Variants in PRKCE observed in about 807,000 individuals in gnomAD.
PRKCE encodes protein kinase C epsilon type.
PRKCE carries 16 observed loss-of-function variants against 85.4 expected under a neutral mutation model. That is an observed-to-expected ratio of 0.19 (90% CI 0.13 to 0.28). The LOEUF (loss-of-function observed/expected upper bound fraction) is 0.28, where lower values mean the gene tolerates loss of function less well. PRKCE is among the 10% of genes least tolerant of loss of function. The pLI, the probability that PRKCE is intolerant of heterozygous loss-of-function variation, is 1.00. For missense variants in PRKCE, 573 were observed against 975.2 expected (o/e 0.59, Z 5.49); for synonymous variants, 388 against 371.5 (o/e 1.04, Z -0.51).
intron 2 of PRKCE, among the ~76,000 whole-genome samples, chr2:45,868,548 T>G (rs1473360262): frequency 6.8e-6 from 1 of 147,758 alleles, no homozygotes; most frequent in Non-Finnish European, 1.5e-5. Context: ...GGTCTTGAAC[T>G]CCTGACCTCA....
At chr2:46,016,297 G>C (rs1377984831) in intron 10 of PRKCE, among the ~76,000 whole-genome samples, 2 of 152,158 alleles carry the variant, frequency 1.3e-5, no homozygotes, top group Non-Finnish European at 2.9e-5. Flanking sequence ...ACTCTCTTGT[G>C]AAGGAATGCA....
chr2:45,901,990 C>G (rs956141757), intron 2 of PRKCE, among the ~76,000 whole-genome samples: 4 of 152,174 alleles, frequency 2.6e-5, no homozygotes, highest in Non-Finnish European at 4.4e-5. Flanking sequence ...TTTTCCAGGA[C>G]AGAAGAACTG....
At chr2:45,847,369 AT>A (rs1223761553) in intron 2 of PRKCE, among the ~76,000 whole-genome samples, 10 of 152,176 alleles carry the variant, frequency 6.6e-5, no homozygotes, top group African/African-American at 2.4e-4. Flanking sequence ...GTTTTTCAAT[AT>A]CTCTTTTTTC....
At chr2:45,997,061 G>A (rs928582368) in intron 6 of PRKCE, among the ~76,000 whole-genome samples, 2 of 152,028 alleles carry the variant, frequency 1.3e-5, no homozygotes, top group Admixed American at 1.3e-4. Flanking sequence ...TGTATTTTAA[G>A]GAATTAGTCT....
chr2:45,828,446 A>G (rs970635555), intron 1 of PRKCE, among the ~76,000 whole-genome samples: 2 of 152,204 alleles, frequency 1.3e-5, no homozygotes, highest in Admixed American at 1.3e-4. Context: ...CTTTTCCTTA[A>G]TATGTTCAAA....
intron 14 of PRKCE, among the ~76,000 whole-genome samples, chr2:46,169,222 C>A (rs77489679): frequency 0.031 from 4,673 of 152,288 alleles, 90 homozygotes; most frequent in East Asian, 0.085. Flanking sequence ...TGCCTTCTTA[C>A]CTTCCCATTG....
Position 46,138,930 on chromosome 2 carries a change from T to A in PRKCE, c.1593-6163T>A, listed in dbSNP as rs867567684. The stretch of plus-strand genomic sequence containing the variant: ...GGGAAGCTGAAGAGCCTGGTTCTTA[T>A]CACCTTCCTATAGCCCACATCCCAG... On this transcript the variant is annotated intron_variant, in intron 11 of 14. Transcript: ENST00000306156. This position sits in a 1 kb window ranked among gnomAD's most constrained non-coding sequence, Gnocchi z 4.2. Among the ~76,000 whole-genome samples, 12 of 152,124 alleles carry A rather than the reference T, an allele frequency of 7.9e-5. No homozygotes were observed. The highest frequency in any genetic ancestry group is 2.7e-4 in the African/African-American group (11 of 41,412).
At chr2:45,846,184 C>A (rs1691774878) in intron 2 of PRKCE, among the ~76,000 whole-genome samples, 1 of 152,130 alleles carries the variant, frequency 6.6e-6, no homozygotes, top group South Asian at 2.1e-4. Context: ...GTAACAGAGG[C>A]ATAAACAGCA....
rs1473480563 is a variant in PRKCE at position 46,068,788 on chromosome 2, A to G, written c.1438-17420A>G. The stretch of plus-strand genomic sequence containing the variant: ...AATGCCTCAGAAGTAACCAAGAGCA[A>G]GAAGTGGTTGTGATATTAAAAGAGA... On this transcript the variant is annotated intron_variant, in intron 10 of 14. Coordinates refer to ENST00000306156, the MANE Select transcript of PRKCE (RefSeq NM_005400.3). The surrounding 1 kb of genome is among the most constrained non-coding windows in gnomAD (Gnocchi z 4.3). Among the ~76,000 whole-genome samples, 1 of 152,232 alleles carries G rather than the reference A, an allele frequency of 6.6e-6. No homozygotes were observed. The highest frequency in any genetic ancestry group is 1.5e-5 in the Non-Finnish European group (1 of 68,036).
At chr2:45,999,397 A>G (rs887316590) in intron 6 of PRKCE, among the ~76,000 whole-genome samples, 7 of 152,232 alleles carry the variant, frequency 4.6e-5, no homozygotes, top group African/African-American at 1.4e-4. Flanking sequence ...CATTTTGAAT[A>G]TTTAACTTCT....
chr2:46,124,509 C>T (rs767229631), intron 11 of PRKCE, among the ~76,000 whole-genome samples: 3 of 152,134 alleles, frequency 2.0e-5, no homozygotes, highest in African/African-American at 7.2e-5. Context: ...AGAATCACCT[C>T]CTCTGTGAAA....
chr2:45,918,817 A>G (rs1191442563), intron 2 of PRKCE, among the ~76,000 whole-genome samples: 1 of 152,190 alleles, frequency 6.6e-6, no homozygotes. Flanking sequence ...TTCAGAGCAT[A>G]TCCTACTAGT....
At chr2:45,903,897 TTGTTTGTTTGTTTGTTTG>T (rs1558815094) in intron 2 of PRKCE, among the ~76,000 whole-genome samples, 13 of 94,310 alleles carry the variant, frequency 1.4e-4, no homozygotes, top group Admixed American at 5.2e-4. Context: ...TTTTGTTTGT[TTGTTTGTTTGTTTGTTTG>T]TTTTTTTTGG....
Position 46,138,438 on chromosome 2 carries a change from C to T in PRKCE, c.1593-6655C>T, listed in dbSNP as rs953315253. On this transcript the variant is annotated intron_variant, in intron 11 of 14. Coordinates refer to ENST00000306156, the MANE Select transcript of PRKCE (RefSeq NM_005400.3). The surrounding 1 kb of genome is among the most constrained non-coding windows in gnomAD (Gnocchi z 4.2). The stretch of plus-strand genomic sequence containing the variant: ...TTTTCTGAGCCTCAGTTTCCTCATA[C>T]ATTTAAACATGTGGGTTGAGGATGC... Among the ~76,000 whole-genome samples the T allele has an allele frequency of 2.6e-5, 4 of 152,214 alleles. No homozygotes were observed. The highest frequency in any genetic ancestry group is 9.6e-5 in the African/African-American group (4 of 41,454).
At chr2:45,992,609 C>T (rs1313928942) in intron 6 of PRKCE, among the ~76,000 whole-genome samples, 1 of 152,218 alleles carries the variant, frequency 6.6e-6, no homozygotes, top group Non-Finnish European at 1.5e-5. Context: ...TGCCCTGGCT[C>T]ACCCTCAAGG....
chr2:46,037,023 C>T (rs932386438), intron 10 of PRKCE, among the ~76,000 whole-genome samples: 1 of 152,232 alleles, frequency 6.6e-6, no homozygotes, highest in Non-Finnish European at 1.5e-5. Context: ...GACGGACCCT[C>T]CTCCTCGCCT....
At chr2:45,788,198 A>C (rs1390294600) in intron 1 of PRKCE, among the ~76,000 whole-genome samples, 1 of 152,162 alleles carries the variant, frequency 6.6e-6, no homozygotes, top group Non-Finnish European at 1.5e-5. Flanking sequence ...GCAATTTCCA[A>C]ATAGCTAAAG....
At chr2:45,703,036 A>T (rs1334495670) in intron 1 of PRKCE, among the ~76,000 whole-genome samples, 1 of 145,388 alleles carries the variant, frequency 6.9e-6, no homozygotes, top group Admixed American at 6.9e-5. Flanking sequence ...CCCCGTCAGG[A>T]AGTCAGTCCT....
At chr2:45,972,270 G>A (rs1702160298) in intron 2 of PRKCE, among the ~76,000 whole-genome samples, 1 of 152,148 alleles carries the variant, frequency 6.6e-6, no homozygotes, top group African/African-American at 2.4e-5. Context: ...TATGTCTTTA[G>A]AGAAAAGTCT....
Sources: gnomAD v4.1 joint callset for allele counts (sites outside exome capture counted in the v4.1 genomes callset) on GRCh38, gnomAD v4.1.1 for gene constraint, Gnocchi (gnomAD v3.1) non-coding constraint, MANE v1.5 for transcripts, NCBI Gene and HGNC (gene_info 2026-07-23, HGNC 2026-07-21) for gene names.